PLEKHH2: variants seen among roughly 807,000 people sequenced by gnomAD.
The protein encoded by PLEKHH2 is pleckstrin homology, MyTH4 and FERM domain containing H2.
In PLEKHH2, 129 loss-of-function variants were observed where a neutral mutation model predicts 187.9. That is an observed-to-expected ratio of 0.69 (90% CI 0.59 to 0.79). The LOEUF is 0.79. Ranked by LOEUF, PLEKHH2 falls within the 30% of genes least tolerant of loss-of-function variation. The pLI, the probability that PLEKHH2 is intolerant of heterozygous loss-of-function variation, is 0.00. For synonymous variants in PLEKHH2, 686 were observed against 605.6 expected (o/e 1.13, Z -1.95); for missense variants, 2,076 against 1,751.2 (o/e 1.19, Z -3.31).
intron 8 of PLEKHH2, among the ~76,000 whole-genome samples, chr2:43,701,553 C>G (rs1468525077): frequency 6.6e-6 from 1 of 152,048 alleles, no homozygotes; most frequent in Non-Finnish European, 1.5e-5. Context: ...AGTTTTTGAA[C>G]TTAGTCGTTA....
chr2:43,729,009 A>C (rs900877316), intron 17 of PLEKHH2, among the ~76,000 whole-genome samples: 6 of 152,212 alleles, frequency 3.9e-5, no homozygotes, highest in African/African-American at 1.2e-4. Flanking sequence ...AGCAATAAGA[A>C]ATTGATTAAA....
intron 29 of PLEKHH2, 68 bp from the exon 30 acceptor site, chr2:43,765,345 A>G: frequency 6.7e-7 from 1 of 1,501,794 alleles, no homozygotes. Flanking sequence ...TGTGGCCAAC[A>G]CTTTACTCTC....
intron 3 of PLEKHH2, among the ~76,000 whole-genome samples, chr2:43,687,777 G>A (rs746605202): frequency 6.6e-6 from 1 of 151,930 alleles, no homozygotes; most frequent in African/African-American, 2.4e-5. Flanking sequence ...TTGGCTGCCT[G>A]TATATCTTCT....
intron 19 of PLEKHH2, among the ~76,000 whole-genome samples, chr2:43,735,441 G>A (rs1671244329): frequency 6.6e-6 from 1 of 152,136 alleles, no homozygotes; most frequent in Non-Finnish European, 1.5e-5. Context: ...GGGGTGGAGG[G>A]ATGAAAGGAG....
At chr2:43,756,636 C>A (rs1672220621) in intron 25 of PLEKHH2, among the ~76,000 whole-genome samples, 1 of 152,120 alleles carries the variant, frequency 6.6e-6, no homozygotes, top group Non-Finnish European at 1.5e-5. Flanking sequence ...GTTTAAATTA[C>A]AGATTTTTTT....
At chr2:43,679,710 A>C (rs1300311674) in intron 3 of PLEKHH2, 1 of 172,850 alleles carries the variant, frequency 5.8e-6, no homozygotes, top group East Asian at 1.8e-4. Context: ...GGATGGCCTC[A>C]AACTCCTGAC....
chr2:43,678,481 G>A (rs547379545), intron 2 of PLEKHH2, among the ~76,000 whole-genome samples: 5 of 152,200 alleles, frequency 3.3e-5, no homozygotes, highest in Non-Finnish European at 7.3e-5. Context: ...GCCGAGGCTC[G>A]CAGATCACTC....
intron 2 of PLEKHH2, among the ~76,000 whole-genome samples, chr2:43,672,478 G>C (rs1019473922): frequency 6.6e-6 from 1 of 152,042 alleles, no homozygotes; most frequent in Admixed American, 6.5e-5. Flanking sequence ...TTGCATTCCA[G>C]CTTATGCCCT....
chr2:43,696,913 C>G (rs1669120496), intron 6 of PLEKHH2, among the ~76,000 whole-genome samples: 1 of 152,130 alleles, frequency 6.6e-6, no homozygotes. Context: ...GAACTAACTA[C>G]TCTTAAAGGG....
At chr2:43,732,516 A>T (rs1225098976) in intron 19 of PLEKHH2, among the ~76,000 whole-genome samples, 5 of 152,094 alleles carry the variant, frequency 3.3e-5, no homozygotes, top group African/African-American at 1.2e-4. Flanking sequence ...GGCCTCCTTC[A>T]TCATCCCATT....
In PLEKHH2 at chr2:43,712,265, C is replaced by G; in HGVS notation, c.2342C>G (p.Ser781Cys). The G allele has an allele frequency of 1.2e-6, 2 of 1,613,664 alleles. No homozygotes were observed. Among genetic ancestry groups the G allele is most frequent in the South Asian group, 2.2e-5 (2 of 91,068 alleles). The change falls in exon 15 of 30, where the codon TCT becomes TGT. Residue 781 changes from serine (S) to cysteine (C), a missense_variant. Ser to Cys is a moderately radical substitution (Grantham distance 112). Transcript: ENST00000282406. ...CACACATACTATCTGACTGCAGATT[C>G]TCCCAATATATTGGAAGAGTGGATT... is the stretch of plus-strand genomic sequence containing the variant. Reference protein sequence around the residue: ...EKHTYYLTADSPNILEEWIKV... With the variant: ...EKHTYYLTADCPNILEEWIKV...
At chr2:43,738,245 A>G in intron 19 of PLEKHH2, 96 bp from the exon 20 acceptor site, 4 of 1,076,906 alleles carry the variant, frequency 3.7e-6, no homozygotes, top group Non-Finnish European at 5.2e-6. Flanking sequence ...CATCATTTTA[A>G]ACAAAAACTA....
At chr2:43,638,248 AACACAC>A (rs70965309) in intron 1 of PLEKHH2, among the ~76,000 whole-genome samples, 8,822 of 148,818 alleles carry the variant, frequency 0.059, 249 homozygotes, top group Non-Finnish European at 0.072. Flanking sequence ...AAGATCTTTT[AACACAC>A]ACACACACAC....
intron 15 of PLEKHH2, among the ~76,000 whole-genome samples, chr2:43,715,291 GA>G (rs531444112): frequency 0.012 from 1,752 of 149,568 alleles, 28 homozygotes; most frequent in African/African-American, 0.041. Context: ...AAGAAAAAAA[GA>G]AAAAAAAAAT....
At chr2:43,741,409 T>C (rs562775576) in intron 21 of PLEKHH2, 7 of 155,376 alleles carry the variant, frequency 4.5e-5, no homozygotes, top group East Asian at 3.8e-4. Flanking sequence ...TTCTTTTATG[T>C]GAAAAATTTC....
chr2:43,668,978 T>C (rs999756437), intron 2 of PLEKHH2, among the ~76,000 whole-genome samples: 3 of 152,228 alleles, frequency 2.0e-5, no homozygotes, highest in Non-Finnish European at 4.4e-5. Flanking sequence ...GAGAGAACTC[T>C]GGATGATCAA....
At chr2:43,693,567 A>G (rs1294970780) in intron 4 of PLEKHH2, among the ~76,000 whole-genome samples, 1 of 152,010 alleles carries the variant, frequency 6.6e-6, no homozygotes, top group Admixed American at 6.5e-5. Flanking sequence ...TGCTAAAAGT[A>G]CAAAAAATTA....
chr2:43,740,144 C>A (rs983774659), intron 20 of PLEKHH2, among the ~76,000 whole-genome samples: 1 of 151,942 alleles, frequency 6.6e-6, no homozygotes, highest in Non-Finnish European at 1.5e-5. Flanking sequence ...TTTAATATAA[C>A]GTTTTAAAAA....
At chr2:43,744,371 C>G (rs1671690572) in intron 23 of PLEKHH2, among the ~76,000 whole-genome samples, 1 of 152,126 alleles carries the variant, frequency 6.6e-6, no homozygotes, top group African/African-American at 2.4e-5. Context: ...GTGGGGAATA[C>G]AAAAGGACCA....
Sources: gnomAD v4.1 joint callset for allele counts (sites outside exome capture counted in the v4.1 genomes callset) on GRCh38, gnomAD v4.1.1 for gene constraint, MANE v1.5 for transcripts, NCBI Gene and HGNC (gene_info 2026-07-23, HGNC 2026-07-21) for gene names.